TLN2: variants seen among roughly 807,000 people sequenced by gnomAD.
TLN2 encodes talin-2.
Under a neutral mutation model 294.7 loss-of-function variants are expected in TLN2, and 118 were observed. That is an observed-to-expected ratio of 0.40 (90% CI 0.34 to 0.47). The LOEUF is 0.47. Ranked by LOEUF, TLN2 falls within the 20% of genes least tolerant of loss-of-function variation. The pLI is 0.84. For synonymous variants in TLN2, 1,431 were observed against 1,304.5 expected, an observed-to-expected ratio of 1.10 and a Z score of -2.09; for missense variants, 3,083 against 3,282.2, an observed-to-expected ratio of 0.94 and a Z score of 1.48.
At chr15:62,526,108 C>G (rs1382245499) in intron 1 of TLN2, among the ~76,000 whole-genome samples, 1 of 152,048 alleles carries the variant, frequency 6.6e-6, no homozygotes, top group Non-Finnish European at 1.5e-5. Flanking sequence ...ACTCAATAAG[C>G]AAAAGATTTA....
At chr15:62,720,648 G>GGTGTGTGTGT (rs5813167) in intron 25 of TLN2, among the ~76,000 whole-genome samples, 2,154 of 149,182 alleles carry the variant, frequency 0.014, 30 homozygotes, top group Middle Eastern at 0.024. Flanking sequence ...ATACAACACA[G>GGTGTGTGTGT]GTGTGTGTGT....
intron 1 of TLN2, among the ~76,000 whole-genome samples, chr15:62,440,250 T>G (rs1410672110): frequency 6.6e-6 from 1 of 152,238 alleles, no homozygotes; most frequent in Non-Finnish European, 1.5e-5. Context: ...AGAATGTAAC[T>G]TAATGTTAGC....
intron 40 of TLN2, among the ~76,000 whole-genome samples, chr15:62,764,139 A>G (rs1359433413): frequency 6.6e-6 from 1 of 152,218 alleles, no homozygotes; most frequent in Non-Finnish European, 1.5e-5. Context: ...TCAGAGATCA[A>G]GGATTCTGCC....
At position 62,465,531 on chromosome 15, in the gene TLN2, A is replaced by G. The variant is rs528960920; in HGVS notation, c.-238+74846A>G. Reference sequence around the variant, plus strand: ...CTGTCGTTCTCGAAACTATCGGGTTATGTGTGGAGGGGTTTAGCCTCTCAG... The same window carrying G: ...CTGTCGTTCTCGAAACTATCGGGTTGTGTGTGGAGGGGTTTAGCCTCTCAG... On this transcript the variant is annotated intron_variant, in intron 1 of 58. Coordinates refer to ENST00000636159, the MANE Select transcript of TLN2 (RefSeq NM_015059.3). Among the ~76,000 whole-genome samples, 83 of 152,264 alleles carry G rather than the reference A, an allele frequency of 5.5e-4. 1 individual carries two copies. In the South Asian group the frequency reaches 0.013, roughly 25 times the overall value.
At chr15:62,756,242 A>C (rs2062242516) in intron 37 of TLN2, among the ~76,000 whole-genome samples, 1 of 152,224 alleles carries the variant, frequency 6.6e-6, no homozygotes, top group South Asian at 2.1e-4. Context: ...ACTTTTAAAA[A>C]TAGAGCATCT....
Position 62,797,343 on chromosome 15 carries a change from C to G in TLN2, c.6175C>G (p.Leu2059Val). 1 of 1,613,522 alleles carries G rather than the reference C, an allele frequency of 6.2e-7. No homozygotes were observed. The highest frequency in any genetic ancestry group is 8.5e-7 in the Non-Finnish European group (1 of 1,179,970). The change falls in exon 48 of 59, where the codon CTC becomes GTC. Residue 2059 changes from leucine (L) to valine (V), a missense_variant. By Grantham distance (32) the Leu-to-Val change is conservative (BLOSUM62 1). Transcript: ENST00000636159. ...GTCCTCAGCAGCCACCATCACCCAG[C>G]TCGCAGAAGTGGTCAAGCTGGGGGC... ...AQSSAATITQ[L>V]AEVVKLGAAS...
intron 2 of TLN2, among the ~76,000 whole-genome samples, chr15:62,597,605 G>T (rs1429286705): frequency 6.6e-6 from 1 of 152,158 alleles, no homozygotes; most frequent in African/African-American, 2.4e-5. Flanking sequence ...ACTGCACAGG[G>T]CTCAGCAAAT....
At chr15:62,416,086 C>T (rs1287688762) in intron 1 of TLN2, among the ~76,000 whole-genome samples, 1 of 152,148 alleles carries the variant, frequency 6.6e-6, no homozygotes, top group East Asian at 1.9e-4. Flanking sequence ...ATCGCTTGAA[C>T]TCAGGAGTCT....
chr15:62,676,846 C>T (rs889051028), intron 11 of TLN2, among the ~76,000 whole-genome samples: 3 of 152,214 alleles, frequency 2.0e-5, no homozygotes, highest in Non-Finnish European at 2.9e-5. Flanking sequence ...AACTCCTGAG[C>T]TCAGGCAGTC....
intron 1 of TLN2, among the ~76,000 whole-genome samples, chr15:62,397,472 C>T (rs1343087557): frequency 6.6e-6 from 1 of 152,074 alleles, no homozygotes. Flanking sequence ...CTGTGTTGCC[C>T]AGAGTGGTCT....
At chr15:62,470,545 G>A (rs1489272170) in intron 1 of TLN2, among the ~76,000 whole-genome samples, 4 of 152,242 alleles carry the variant, frequency 2.6e-5, no homozygotes, top group Admixed American at 6.5e-5. Flanking sequence ...GCACGGGCAG[G>A]AAGAGGCCAC....
intron 31 of TLN2, among the ~76,000 whole-genome samples, chr15:62,740,040 G>GTTTTT (rs1446897400): frequency 7.6e-6 from 1 of 131,828 alleles, no homozygotes; most frequent in Admixed American, 7.2e-5. Context: ...GCAGAGCTGT[G>GTTTTT]TTTTTTGTTT....
rs184222729 is a variant in TLN2 at position 62,472,306 on chromosome 15, A to G, written c.-238+81621A>G. Among the ~76,000 whole-genome samples the G allele has an allele frequency of 3.3e-5, 5 of 152,164 alleles. No individual in the cohort carries two copies. In the East Asian group the frequency reaches 7.8e-4, roughly 24 times the overall value. On this transcript the variant is annotated intron_variant, in intron 1 of 58. Coordinates refer to ENST00000636159, the MANE Select transcript of TLN2 (RefSeq NM_015059.3). ...CTCCCAGCCTTCGAGATGACTCCTT[A>G]TATCTTCCTCATCTTTGTCCCATGG...
chr15:62,458,654 G>T (rs563928207), intron 1 of TLN2, among the ~76,000 whole-genome samples: 2 of 151,076 alleles, frequency 1.3e-5, no homozygotes, highest in Non-Finnish European at 1.5e-5. Flanking sequence ...CTATAGTCCC[G>T]GCTGCTTTGG....
At chr15:62,659,200 A>G (rs900684999) in intron 9 of TLN2, among the ~76,000 whole-genome samples, 14 of 152,206 alleles carry the variant, frequency 9.2e-5, no homozygotes, top group African/African-American at 3.1e-4. Flanking sequence ...TTGAGAACAT[A>G]GTATTTTATT....
chr15:62,800,903 C>T, intron 50 of TLN2, 134 bp downstream of exon 50: 1 of 683,578 alleles, frequency 1.5e-6, no homozygotes, highest in Non-Finnish European at 2.4e-6. Flanking sequence ...CACCTGCCTG[C>T]TGGTAGCTTT....
At chr15:62,830,309 T>C (rs1440140920) in intron 54 of TLN2, 2 of 152,550 alleles carry the variant, frequency 1.3e-5, no homozygotes, top group Non-Finnish European at 2.9e-5. Context: ...GAATGAGAGC[T>C]CCAGGAGAGG....
At chr15:62,641,222 A>G (rs1350607752) in intron 3 of TLN2, among the ~76,000 whole-genome samples, 1 of 152,186 alleles carries the variant, frequency 6.6e-6, no homozygotes, top group Non-Finnish European at 1.5e-5. Context: ...AATAGATACA[A>G]AATAAACAAT....
chr15:62,453,396 G>A (rs1187772695), intron 1 of TLN2, among the ~76,000 whole-genome samples: 1 of 152,046 alleles, frequency 6.6e-6, no homozygotes, highest in Non-Finnish European at 1.5e-5. Context: ...TCTGCACATG[G>A]CAGGTGCCAA....
Sources: gnomAD v4.1 joint callset for allele counts (sites outside exome capture counted in the v4.1 genomes callset) on GRCh38, gnomAD v4.1.1 for gene constraint, MANE v1.5 for transcripts, NCBI Gene and HGNC (gene_info 2026-07-23, HGNC 2026-07-21) for gene names.